ERBB4: variants seen among roughly 807,000 people sequenced by gnomAD.
The protein encoded by ERBB4 is erb-b2 receptor tyrosine kinase 4.
In ERBB4, 42 loss-of-function variants were observed where a neutral mutation model predicts 158.0. The ratio of observed to expected loss-of-function variants is 0.27; its 90% CI spans 0.21 to 0.34. ERBB4 has a LOEUF of 0.34. ERBB4 is among the 10% of genes least tolerant of loss of function. ERBB4 has a pLI of 1.00. For missense variants in ERBB4, 1,333 were observed against 1,624.1 expected (o/e 0.82, Z 3.08); for synonymous variants, 583 against 558.7 (o/e 1.04, Z -0.61).
chr2:211,447,041 G>A (rs1394077399), intron 20 of ERBB4, among the ~76,000 whole-genome samples: 2 of 152,110 alleles, frequency 1.3e-5, no homozygotes, highest in Non-Finnish European at 2.9e-5. Context: ...TCATGGTACC[G>A]AATAAATGGA....
chr2:212,029,477 T>C (rs1376250779), intron 2 of ERBB4, among the ~76,000 whole-genome samples: 1 of 152,150 alleles, frequency 6.6e-6, no homozygotes, highest in Non-Finnish European at 1.5e-5. Flanking sequence ...ATTGTCTAGA[T>C]TATAAAGGGC....
At position 211,878,065 on chromosome 2, in the gene ERBB4, G is replaced by T. The variant is rs140949450; in HGVS notation, c.421+69365C>A. Reference sequence around the variant, plus strand: ...AGAGGTTGCAGTGAGCCTAGATCACGCCACTGCCCTCCGGCCTGAGGAACA... The same window carrying T: ...AGAGGTTGCAGTGAGCCTAGATCACTCCACTGCCCTCCGGCCTGAGGAACA... On this transcript the variant is annotated intron_variant, in intron 3 of 27. Coordinates refer to ENST00000342788, the MANE Select transcript of ERBB4 (RefSeq NM_005235.3). Among the ~76,000 whole-genome samples, 382 of 152,274 alleles carry T rather than the reference G, an allele frequency of 2.5e-3. 1 individual carries two copies. Among genetic ancestry groups the T allele is most frequent in the Middle Eastern group, 6.8e-3 (2 of 294 alleles).
Position 212,015,265 on chromosome 2 carries a change from C to CAATAA in ERBB4, c.235-67654_235-67650dup, listed in dbSNP as rs918840007. ...TGGGCAACAGAGCGAGACACTGTCT[C>CAATAA]AATAAAATAAAATAAAATAAAAATA... On this transcript the variant is annotated intron_variant, in intron 2 of 27. Transcript: ENST00000342788. Among the ~76,000 whole-genome samples the CAATAA allele has an allele frequency of 8.7e-5, 13 of 150,008 alleles. 1 individual carries two copies. Among genetic ancestry groups the CAATAA allele is most frequent in the Non-Finnish European group, 1.8e-4 (12 of 67,528 alleles).
intron 16 of ERBB4, among the ~76,000 whole-genome samples, chr2:211,649,060 A>C (rs1371610904): frequency 1.3e-5 from 2 of 151,854 alleles, no homozygotes; most frequent in African/African-American, 2.4e-5. Flanking sequence ...GATGTATTTA[A>C]AAAGTTACAT....
chr2:211,538,648 C>T (rs944909497), intron 20 of ERBB4, among the ~76,000 whole-genome samples: 1 of 151,778 alleles, frequency 6.6e-6, no homozygotes, highest in Non-Finnish European at 1.5e-5. Context: ...GTCCCGTAAT[C>T]CTTTTATTCT....
chr2:212,133,510 T>C (rs575172590), intron 1 of ERBB4, among the ~76,000 whole-genome samples: 1 of 151,572 alleles, frequency 6.6e-6, no homozygotes, highest in South Asian at 2.1e-4. Context: ...GCAAGCCTCA[T>C]AAGAGAGGCC....
intron 3 of ERBB4, among the ~76,000 whole-genome samples, chr2:211,796,260 C>A (rs1292810018): frequency 1.3e-5 from 2 of 151,806 alleles, no homozygotes; most frequent in Non-Finnish European, 2.9e-5. Flanking sequence ...CATACGTATT[C>A]TCTTGTGTCT....
intron 3 of ERBB4, among the ~76,000 whole-genome samples, chr2:211,861,142 A>T (rs868318314): frequency 1.2e-4 from 7 of 57,204 alleles, no homozygotes; most frequent in African/African-American, 4.2e-4. Flanking sequence ...ATATATATAT[A>T]TATATATATA....
chr2:212,192,246 C>T (rs1229955281), intron 1 of ERBB4, among the ~76,000 whole-genome samples: 1 of 114,050 alleles, frequency 8.8e-6, no homozygotes, highest in Non-Finnish European at 1.8e-5. Flanking sequence ...TTTCTAAATG[C>T]TAATTTCCCC....
In ERBB4 at chr2:212,269,152, C is replaced by T. The variant is rs112041601; in HGVS notation, c.83-144249G>A. 5.0e-3 allele frequency among the ~76,000 whole-genome samples: 766 copies of T among 151,946 alleles called. 4 individuals carry two copies. Among genetic ancestry groups the T allele is most frequent in the Middle Eastern group, 0.017 (5 of 294 alleles). ...AGAAAACAATGGAGACCTGTCACCA[C>T]ACAGCTACATAAATTTCTATAGTTC... is the stretch of plus-strand genomic sequence containing the variant. On this transcript the variant is annotated intron_variant, in intron 1 of 27. Transcript: ENST00000342788.
At chr2:211,567,978 G>A (rs1005997574) in intron 19 of ERBB4, among the ~76,000 whole-genome samples, 12 of 152,030 alleles carry the variant, frequency 7.9e-5, no homozygotes, top group Non-Finnish European at 1.5e-4. Flanking sequence ...TCCTCTGTTA[G>A]TTATCTTTGT....
intron 1 of ERBB4, among the ~76,000 whole-genome samples, chr2:212,213,022 AC>A: frequency 6.6e-6 from 1 of 152,166 alleles, no homozygotes; most frequent in Non-Finnish European, 1.5e-5. Flanking sequence ...AGACTTCATG[AC>A]AAAAATGCCA....
At chr2:211,996,008 G>A (rs992106664) in intron 2 of ERBB4, among the ~76,000 whole-genome samples, 7 of 152,046 alleles carry the variant, frequency 4.6e-5, no homozygotes, top group African/African-American at 1.7e-4. Context: ...TCTTGTTTGG[G>A]GCTATAATAT....
At chr2:212,495,819 T>C (rs1340958963) in intron 1 of ERBB4, among the ~76,000 whole-genome samples, 1 of 152,192 alleles carries the variant, frequency 6.6e-6, no homozygotes, top group Non-Finnish European at 1.5e-5. Context: ...ATTAAGCGTA[T>C]AGACTACAAA....
At chr2:211,416,868 A>C (rs2063405230) in intron 25 of ERBB4, among the ~76,000 whole-genome samples, 1 of 150,584 alleles carries the variant, frequency 6.6e-6, no homozygotes, top group Non-Finnish European at 1.5e-5. Flanking sequence ...GCGGGCCTTT[A>C]AGTCTCTGCC....
chr2:211,599,778 A>G (rs910260951), intron 19 of ERBB4, among the ~76,000 whole-genome samples: 1 of 152,164 alleles, frequency 6.6e-6, no homozygotes, highest in Admixed American at 6.6e-5. Flanking sequence ...CTTGTATTTA[A>G]ATCAAAAAGG....
chr2:211,521,975 G>A (rs951212301), intron 20 of ERBB4, among the ~76,000 whole-genome samples: 2 of 152,078 alleles, frequency 1.3e-5, no homozygotes, highest in Admixed American at 1.3e-4. Flanking sequence ...TCATCCAAGA[G>A]CTGTGACAAA....
intron 20 of ERBB4, among the ~76,000 whole-genome samples, chr2:211,444,101 T>C (rs1487242520): frequency 6.6e-6 from 1 of 150,982 alleles, no homozygotes; most frequent in East Asian, 1.9e-4. Context: ...CGTTAAAGTT[T>C]GTGGGGTTTT....
intron 1 of ERBB4, among the ~76,000 whole-genome samples, chr2:212,514,492 C>G (rs1351892861): frequency 6.6e-6 from 1 of 152,114 alleles, no homozygotes; most frequent in Non-Finnish European, 1.5e-5. Flanking sequence ...TACATCAACT[C>G]TAGTAATGTG....
Sources: gnomAD v4.1 joint callset for allele counts (sites outside exome capture counted in the v4.1 genomes callset) on GRCh38, gnomAD v4.1.1 for gene constraint, MANE v1.5 for transcripts, NCBI Gene and HGNC (gene_info 2026-07-23, HGNC 2026-07-21) for gene names.